Variants in NPAS3 observed in about 807,000 individuals in gnomAD.
NPAS3 encodes the protein neuronal PAS domain protein 3, also known as neuronal PAS domain-containing protein 3.
Under a neutral mutation model 73.1 loss-of-function variants are expected in NPAS3, and 14 were observed. The observed-to-expected ratio is 0.19, with a 90% CI of 0.13 to 0.30. The LOEUF is 0.30. Among genes scored for constraint, NPAS3 ranks in the 10% least tolerant of loss-of-function variants. The pLI is 1.00. For missense variants in NPAS3, 1,096 were observed against 1,250.0 expected, an observed-to-expected ratio of 0.88 and a Z score of 1.86; for synonymous variants, 620 against 541.5, an observed-to-expected ratio of 1.14 and a Z score of -2.01.
At chr14:32,991,310 GT>G (rs1445265656) in intron 1 of NPAS3, among the ~76,000 whole-genome samples, 5 of 152,062 alleles carry the variant, frequency 3.3e-5, no homozygotes, top group African/African-American at 1.2e-4. Context: ...GAAGGGTAAT[GT>G]CCCCTAAGAC....
chr14:33,744,448 A>G (rs1421633981), intron 7 of NPAS3, among the ~76,000 whole-genome samples: 2 of 152,134 alleles, frequency 1.3e-5, no homozygotes, highest in Non-Finnish European at 2.9e-5. Context: ...TTATAACAGT[A>G]ATATCAAAGA....
rs1359113333 is a variant in NPAS3 at position 33,209,177 on chromosome 14, T to C, written c.141-6005T>C. Among the ~76,000 whole-genome samples the C allele has an allele frequency of 2.0e-5, 3 of 152,178 alleles. No individual in the cohort carries two copies. In the East Asian group the frequency reaches 5.8e-4, roughly 29 times the overall value. ...AGCATTAAACTACTTCAATTTGTGATCTTTGTTGTGCATAATCCTACCAGA... is the reference window on the plus strand; with the variant it reads ...AGCATTAAACTACTTCAATTTGTGACCTTTGTTGTGCATAATCCTACCAGA... On this transcript the variant is annotated intron_variant, in intron 2 of 11. Transcript: ENST00000356141.
intron 4 of NPAS3, among the ~76,000 whole-genome samples, chr14:33,405,876 G>C (rs1041766607): frequency 8.5e-5 from 13 of 152,102 alleles, no homozygotes; most frequent in African/African-American, 3.1e-4. Flanking sequence ...TTTCAGAGCT[G>C]TGTGTGTTAA....
chr14:33,582,970 G>GTTGTTTTTTTTT (rs2056726674), intron 5 of NPAS3, among the ~76,000 whole-genome samples: 2 of 93,304 alleles, frequency 2.1e-5, no homozygotes, highest in Non-Finnish European at 3.6e-5. Flanking sequence ...TATTTAAAGG[G>GTTGTTTTTTTTT]TTTTTTTTTT....
In NPAS3 at chr14:33,704,367, A is replaced by G. The variant is rs546293742; in HGVS notation, c.733+27982A>G. On this transcript the variant is annotated intron_variant, in intron 6 of 11. Transcript: ENST00000356141. ...TTAAGTGAGAATTTAAAAATTTAAC[A>G]TGGGATTAACCAAGTACATCACTCT... Among the ~76,000 whole-genome samples the G allele has an allele frequency of 3.3e-5, 5 of 152,360 alleles. No homozygotes were observed. In the East Asian group the frequency reaches 9.6e-4, roughly 29 times the overall value.
At chr14:32,938,518 AGAGAGAAG>A (rs1566779495), upstream of NPAS3, among the ~76,000 whole-genome samples, 1 of 122,108 alleles carries the variant, frequency 8.2e-6, no homozygotes, top group African/African-American at 3.4e-5. Context: ...AGAGAGAGAG[AGAGAGAAG>A]GGGGGGGAGG....
At chr14:33,694,478 T>C (rs1200131154) in intron 6 of NPAS3, among the ~76,000 whole-genome samples, 1 of 152,172 alleles carries the variant, frequency 6.6e-6, no homozygotes, top group Non-Finnish European at 1.5e-5. Context: ...GATTTAATAG[T>C]CAAAGGAGCT....
intron 4 of NPAS3, among the ~76,000 whole-genome samples, chr14:33,500,859 C>T (rs1467597070): frequency 2.6e-5 from 4 of 151,894 alleles, no homozygotes; most frequent in Admixed American, 1.3e-4. Flanking sequence ...AGCCAGCAGT[C>T]CGTTGTAAGA....
chr14:33,316,840 G>A (rs1049280171), intron 3 of NPAS3, among the ~76,000 whole-genome samples: 7 of 152,112 alleles, frequency 4.6e-5, no homozygotes, highest in Non-Finnish European at 8.8e-5. Context: ...AGCCAGAATG[G>A]CAGGTATTAA....
chr14:33,039,910 A>G (rs1283729694), intron 1 of NPAS3, among the ~76,000 whole-genome samples: 1 of 152,186 alleles, frequency 6.6e-6, no homozygotes, highest in Non-Finnish European at 1.5e-5. Context: ...TGTATGTTTC[A>G]GTCATTTCCT....
At chr14:33,058,373 T>G (rs1212440512) in intron 2 of NPAS3, among the ~76,000 whole-genome samples, 1 of 152,174 alleles carries the variant, frequency 6.6e-6, no homozygotes, top group Non-Finnish European at 1.5e-5. Context: ...AACCATAAAT[T>G]TCCTGATTCT....
chr14:33,676,283 G>A (rs1283969399), exon 6 of NPAS3: 1 of 1,613,498 alleles, frequency 6.2e-7, no homozygotes, highest in African/African-American at 1.3e-5. Context: ...TGAGCAGCTG[G>A]GCATGAAGCT....
At chr14:33,544,869 ATATGTATGTATG>A (rs1306400984) in intron 4 of NPAS3, among the ~76,000 whole-genome samples, 1 of 136,574 alleles carries the variant, frequency 7.3e-6, no homozygotes, top group Non-Finnish European at 1.5e-5. Context: ...TATAATATAT[ATATGTATGTATG>A]TATGTATATA....
chr14:33,432,685 G>A (rs1053548888), intron 4 of NPAS3, among the ~76,000 whole-genome samples: 3 of 152,068 alleles, frequency 2.0e-5, no homozygotes, highest in African/African-American at 7.2e-5. Context: ...TAACCCAAAA[G>A]CCATTTATGA....
At chr14:33,557,991 T>C (rs549693156) in intron 4 of NPAS3, among the ~76,000 whole-genome samples, 21 of 152,140 alleles carry the variant, frequency 1.4e-4, no homozygotes, top group Non-Finnish European at 2.4e-4. Context: ...AAAATGTAGA[T>C]AATAATACTA....
intron 2 of NPAS3, among the ~76,000 whole-genome samples, chr14:33,082,188 C>G (rs1863036408): frequency 6.6e-6 from 1 of 152,096 alleles, no homozygotes; most frequent in African/African-American, 2.4e-5. Context: ...TGCTTGGACT[C>G]CCGTTTGTGC....
chr14:33,047,310 G>A (rs972502327), intron 1 of NPAS3, among the ~76,000 whole-genome samples: 2 of 152,162 alleles, frequency 1.3e-5, no homozygotes, highest in Non-Finnish European at 2.9e-5. Flanking sequence ...TGGTTAGGAA[G>A]AAGATAATTA....
At chr14:33,113,559 G>A (rs1461048589) in intron 2 of NPAS3, among the ~76,000 whole-genome samples, 1 of 152,038 alleles carries the variant, frequency 6.6e-6, no homozygotes, top group Non-Finnish European at 1.5e-5. Context: ...AGCTTAAGGA[G>A]ATTTTGGGCT....
intron 2 of NPAS3, among the ~76,000 whole-genome samples, chr14:33,198,356 C>T (rs1041601109): frequency 6.6e-6 from 1 of 152,138 alleles, no homozygotes; most frequent in African/African-American, 2.4e-5. Context: ...CTGATTGGTC[C>T]ATTTTACAGA....
Sources: gnomAD v4.1 joint callset for allele counts (sites outside exome capture counted in the v4.1 genomes callset) on GRCh38, gnomAD v4.1.1 for gene constraint, MANE v1.5 for transcripts, NCBI Gene and HGNC (gene_info 2026-07-23, HGNC 2026-07-21) for gene names.